EPS8: variants seen among roughly 807,000 people sequenced by gnomAD.
EPS8 encodes the protein epidermal growth factor receptor kinase substrate 8.
Under a neutral mutation model 103.8 loss-of-function variants are expected in EPS8, and 42 were observed. The ratio of observed to expected loss-of-function variants is 0.40; its 90% CI spans 0.32 to 0.52. EPS8 has a LOEUF of 0.52. Ranked by LOEUF, EPS8 falls within the 20% of genes least tolerant of loss-of-function variation. The pLI is 0.40. For missense variants in EPS8, 969 were observed against 1,005.1 expected, an observed-to-expected ratio of 0.96 and a Z score of 0.49; for synonymous variants, 344 against 344.6, an observed-to-expected ratio of 1.00 and a Z score of 0.02.
intron 1 of EPS8, among the ~76,000 whole-genome samples, chr12:15,723,016 A>C (rs575201479): frequency 2.5e-3 from 380 of 151,758 alleles, no homozygotes; most frequent in African/African-American, 8.8e-3. Context: ...AAAAAAAAAA[A>C]CAAACAAAAA....
chr12:15,639,518 C>G (rs1338942955), intron 17 of EPS8, among the ~76,000 whole-genome samples: 1 of 151,930 alleles, frequency 6.6e-6, no homozygotes, highest in Non-Finnish European at 1.5e-5. Context: ...CACATGAGGC[C>G]AGCCAAAACA....
intron 1 of EPS8, chr12:15,712,819 C>T (rs1402257685): frequency 2.1e-6 from 2 of 973,030 alleles, no homozygotes; most frequent in African/African-American, 3.5e-5. Flanking sequence ...CCCTCCTTAG[C>T]AAAGAAAATA....
At chr12:15,687,825 A>G (rs1439443758) in intron 1 of EPS8, among the ~76,000 whole-genome samples, 1 of 152,210 alleles carries the variant, frequency 6.6e-6, no homozygotes, top group Non-Finnish European at 1.5e-5. Flanking sequence ...GGAAATTACT[A>G]ATATCTCAGT....
intron 13 of EPS8, among the ~76,000 whole-genome samples, chr12:15,652,080 T>C (rs980511271): frequency 6.6e-6 from 1 of 152,196 alleles, no homozygotes; most frequent in East Asian, 1.9e-4. Flanking sequence ...CATAAAATCA[T>C]AACCTATATA....
In EPS8 at chr12:15,693,880, C is replaced by T. The variant is rs539837530; in HGVS notation, c.-21-10908G>A. On this transcript the variant is annotated intron_variant, in intron 1 of 20. Coordinates refer to ENST00000281172, the MANE Select transcript of EPS8 (RefSeq NM_004447.6). This position sits in a 1 kb window ranked among gnomAD's most constrained non-coding sequence, Gnocchi z 5.6. ...ACACAGGGAGGGGAAAAAATACACA[C>T]CAAGGCCTGTCAGATGGAGGTGGGG... Among the ~76,000 whole-genome samples, 1 of 152,030 alleles carries T rather than the reference C, an allele frequency of 6.6e-6. No individual in the cohort carries two copies. Among genetic ancestry groups the T allele is most frequent in the African/African-American group, 2.4e-5 (1 of 41,388 alleles).
At position 15,697,267 on chromosome 12, in the gene EPS8, C is replaced by T. The variant is rs1222688544; in HGVS notation, c.-21-14295G>A. Among the ~76,000 whole-genome samples, 1 of 152,250 alleles carries T rather than the reference C, an allele frequency of 6.6e-6. No homozygotes were observed. The highest frequency in any genetic ancestry group is 1.5e-5 in the Non-Finnish European group (1 of 68,046). The stretch of plus-strand genomic sequence containing the variant: ...TCTTGATTAAATAAACTGGATATCA[C>T]TTACATGGCATAACTGCTGTCCCCC... On this transcript the variant is annotated intron_variant, in intron 1 of 20. Transcript: ENST00000281172. The surrounding 1 kb of genome is among the most constrained non-coding windows in gnomAD (Gnocchi z 5.6).
intron 1 of EPS8, among the ~76,000 whole-genome samples, chr12:15,743,369 A>G (rs925960920): frequency 9.9e-5 from 15 of 152,198 alleles, no homozygotes; most frequent in African/African-American, 1.4e-4. Context: ...TGCCATCCCC[A>G]TCAAACTACC....
At chr12:15,786,355 C>A (rs772313899) in intron 1 of EPS8, among the ~76,000 whole-genome samples, 2 of 152,004 alleles carry the variant, frequency 1.3e-5, no homozygotes, top group Non-Finnish European at 2.9e-5. Flanking sequence ...ACCAGTACTC[C>A]TCAAACATCA....
At chr12:15,652,926 G>A (rs1030039986) in intron 13 of EPS8, among the ~76,000 whole-genome samples, 1 of 152,124 alleles carries the variant, frequency 6.6e-6, no homozygotes, top group Non-Finnish European at 1.5e-5. Context: ...GCCATACTAA[G>A]TGATTTATTC....
At chr12:15,680,659 T>A (rs1190882893) in intron 3 of EPS8, among the ~76,000 whole-genome samples, 3 of 151,582 alleles carry the variant, frequency 2.0e-5, no homozygotes, top group Non-Finnish European at 4.4e-5. Context: ...TAAACATATG[T>A]GGCAAACTTC....
At chr12:15,746,981 G>T (rs1260346296) in intron 1 of EPS8, among the ~76,000 whole-genome samples, 1 of 152,092 alleles carries the variant, frequency 6.6e-6, no homozygotes, top group South Asian at 2.1e-4. Flanking sequence ...AAACAGAGGG[G>T]TTAACAAGGG....
intron 1 of EPS8, among the ~76,000 whole-genome samples, chr12:15,766,142 C>T (rs1006104083): frequency 2.6e-5 from 4 of 151,368 alleles, no homozygotes; most frequent in African/African-American, 9.7e-5. Flanking sequence ...AAAAAAAATA[C>T]TCTTCAGCAG....
chr12:15,686,710 A>G (rs1026733893), intron 1 of EPS8, among the ~76,000 whole-genome samples: 2 of 152,182 alleles, frequency 1.3e-5, no homozygotes, highest in East Asian at 1.9e-4. Context: ...AAGATCCTCA[A>G]ATATAAGTTT....
chr12:15,742,982 G>T (rs1436492189), intron 1 of EPS8, among the ~76,000 whole-genome samples: 1 of 152,182 alleles, frequency 6.6e-6, no homozygotes. Context: ...GTCCCTGTTT[G>T]CAGATGACAT....
chr12:15,744,204 T>C (rs1287461278), intron 1 of EPS8, among the ~76,000 whole-genome samples: 1 of 152,056 alleles, frequency 6.6e-6, no homozygotes, highest in Non-Finnish European at 1.5e-5. Flanking sequence ...CAACATTAAG[T>C]CTTAACGACT....
chr12:15,774,467 T>C (rs1023924692), intron 1 of EPS8, among the ~76,000 whole-genome samples: 2 of 151,588 alleles, frequency 1.3e-5, no homozygotes, highest in Non-Finnish European at 2.9e-5. Context: ...ATCTGTCTAG[T>C]AAGTATGAAT....
intron 3 of EPS8, among the ~76,000 whole-genome samples, chr12:15,672,758 A>C (rs913709991): frequency 9.2e-5 from 14 of 152,196 alleles, no homozygotes; most frequent in Admixed American, 2.6e-4. Context: ...TCACAAAACC[A>C]CATCTAGAAA....
intron 1 of EPS8, among the ~76,000 whole-genome samples, chr12:15,730,194 T>TAC (rs538758989): frequency 0.014 from 2,112 of 151,624 alleles, 37 homozygotes; most frequent in African/African-American, 0.043. Context: ...ACTTTTGTAA[T>TAC]ACACACACAC....
chr12:15,654,027 G>T, intron 13 of EPS8, 118 bp downstream of exon 13: 1 of 986,396 alleles, frequency 1.0e-6, no homozygotes. Context: ...AAGGGTTTAG[G>T]TTTTTTCATC....
Sources: gnomAD v4.1 joint callset for allele counts (sites outside exome capture counted in the v4.1 genomes callset) on GRCh38, gnomAD v4.1.1 for gene constraint, Gnocchi (gnomAD v3.1) non-coding constraint, MANE v1.5 for transcripts, NCBI Gene and HGNC (gene_info 2026-07-23, HGNC 2026-07-21) for gene names.